The following ZNF718 variants were observed in gnomAD, a reference collection of about 807,000 sequenced individuals.
ZNF718 encodes the protein zinc finger protein 718.
ZNF718 carries 3 observed loss-of-function variants against 2.6 expected under a neutral mutation model. The observed-to-expected ratio is 1.16, with a 90% CI of 0.53 to 3.01. The LOEUF (loss-of-function observed/expected upper bound fraction) is 3.01. Ranked by LOEUF, ZNF718 falls within the 30% of genes most tolerant of loss-of-function variation. ZNF718 has a pLI of 0.03. For missense variants in ZNF718, 468 were observed against 230.0 expected (o/e 2.03, Z -6.69); for synonymous variants, 135 against 77.9 (o/e 1.73, Z -3.86).
intron 3 of ZNF718, among the ~76,000 whole-genome samples, chr4:135,875 C>CCTGGAG (rs1715549568): frequency 6.6e-6 from 1 of 151,758 alleles, no homozygotes; most frequent in Non-Finnish European, 1.5e-5. Flanking sequence ...AAGCTGTGGC[C>CCTGGAG]CTGGAGGCAG....
intron 1 of ZNF718, among the ~76,000 whole-genome samples, chr4:127,058 T>C (rs1442475193): frequency 6.6e-6 from 1 of 152,194 alleles, no homozygotes; most frequent in Non-Finnish European, 1.5e-5. Flanking sequence ...TCTTCTGACC[T>C]CATGATCCAC....
In ZNF718 at chr4:161,621, A is replaced by T. The variant is rs142742436; in HGVS notation, c.936A>T (p.Ser312=). 6,667 of 780,518 alleles carry T rather than the reference A, an allele frequency of 8.5e-3. 43 individuals carry two copies. The highest frequency in any genetic ancestry group is 0.011 in the Non-Finnish European group (4,610 of 417,824). The allele number at this position is 780,518 out of a possible 1,614,324, so 48.3% of individuals were successfully genotyped here. ...KRIHAGEKPF[S]CEECGNVFTT... The stretch of plus-strand genomic sequence containing the variant: ...TTCATGCTGGAGAGAAACCCTTCTC[A>T]TGCGAAGAATGTGGCAATGTCTTTA... The change falls in exon 4 of 4, where the codon TCA becomes TCT. Residue 312 remains serine, a synonymous_variant. Transcript: ENST00000510175.
At chr4:149,767 G>C (rs1553812198) in intron 3 of ZNF718, 2 of 152,018 alleles carry the variant, frequency 1.3e-5, no homozygotes, top group African/African-American at 4.8e-5. Flanking sequence ...ACAGTGTAAA[G>C]TTACCATCTG....
chr4:161,971 G>A lies in ZNF718; in HGVS notation c.1286G>A (p.Gly429Asp), dbSNP rs538984257. 6 of 780,022 alleles carry A rather than the reference G, an allele frequency of 7.7e-6. No homozygotes were observed. Among genetic ancestry groups the A allele is most frequent in the South Asian group, 5.4e-5 (4 of 74,540 alleles). 48.3% of individuals were successfully genotyped at this position (780,022 alleles called of 1,614,324 possible). A position where few individuals can be genotyped will look rare whatever the true frequency, so the allele number is the denominator to read the frequency against. The stretch of plus-strand genomic sequence containing the variant: ...AAACCCTACATATGTAAACAATGTG[G>A]CAAAGCCTTTAAACAGTCCTCACAC... The part of the protein sequence containing the change: ...GEKPYICKQC[G>D]KAFKQSSHLN... Residue 429 changes from glycine to aspartate, a missense_variant, in exon 4 of 4, where the codon GGC becomes GAC. Gly to Asp is a moderately conservative substitution (Grantham distance 94). Coordinates refer to ENST00000510175, the MANE Select transcript of ZNF718 (RefSeq NM_001039127.6).
At chr4:148,839 C>T (rs750121434) in intron 3 of ZNF718, among the ~76,000 whole-genome samples, 15 of 152,052 alleles carry the variant, frequency 9.9e-5, no homozygotes, top group Non-Finnish European at 1.6e-4. Flanking sequence ...TCCTAAGTGT[C>T]TTGGCAGATG....
downstream of ZNF718, among the ~76,000 whole-genome samples, chr4:164,948 T>C (rs2108807424): frequency 6.6e-6 from 1 of 152,282 alleles, no homozygotes; most frequent in East Asian, 1.9e-4. Context: ...ATTGAAAATA[T>C]CTGTGGTGAA....
At chr4:200,729 A>G (rs1476951526) in intron 3 of ZNF718, among the ~76,000 whole-genome samples, 1 of 152,176 alleles carries the variant, frequency 6.6e-6, no homozygotes, top group Admixed American at 6.5e-5. Context: ...AGTTCAAAGG[A>G]TAAAAGGCAA....
At chr4:148,410 A>G (rs542851895) in intron 3 of ZNF718, among the ~76,000 whole-genome samples, 15 of 151,996 alleles carry the variant, frequency 9.9e-5, no homozygotes, top group Non-Finnish European at 1.5e-4. Flanking sequence ...GGAGTTCGAG[A>G]CCAGCCTGGC....
intron 3 of ZNF718, among the ~76,000 whole-genome samples, chr4:137,227 A>G (rs1715607931): frequency 6.6e-6 from 1 of 152,168 alleles, no homozygotes; most frequent in Non-Finnish European, 1.5e-5. Flanking sequence ...CCACGAGCCA[A>G]TTAAACCTTT....
At chr4:140,269 G>A (rs1221401959) in intron 3 of ZNF718, among the ~76,000 whole-genome samples, 2 of 152,056 alleles carry the variant, frequency 1.3e-5, no homozygotes, top group African/African-American at 2.4e-5. Context: ...CACTGAGATC[G>A]GATCCACAGG....
chr4:151,765 C>A (rs1466640737), intron 3 of ZNF718, among the ~76,000 whole-genome samples: 1 of 151,962 alleles, frequency 6.6e-6, no homozygotes, highest in Non-Finnish European at 1.5e-5. Flanking sequence ...TGCCCCTACA[C>A]ACCTGTGGGT....
At chr4:191,287 T>C (rs1380500112) in intron 3 of ZNF718, among the ~76,000 whole-genome samples, 2 of 151,430 alleles carry the variant, frequency 1.3e-5, no homozygotes, top group Non-Finnish European at 2.9e-5. Flanking sequence ...CAGCTGGGAC[T>C]ACAGGCACAC....
chr4:156,336 G>A (rs1291926224), intron 3 of ZNF718, among the ~76,000 whole-genome samples: 1 of 152,004 alleles, frequency 6.6e-6, no homozygotes, highest in African/African-American at 2.4e-5. Flanking sequence ...ATTTTACCCT[G>A]TCTAGGTGAG....
intron 3 of ZNF718, among the ~76,000 whole-genome samples, chr4:189,055 GA>G (rs1717636969): frequency 6.9e-6 from 1 of 144,306 alleles, no homozygotes; most frequent in African/African-American, 2.6e-5. Flanking sequence ...TGAATCTGTA[GA>G]TTATTTTTTT....
chr4:133,215 T>C (rs1437293224), intron 3 of ZNF718, among the ~76,000 whole-genome samples: 3 of 27,264 alleles, frequency 1.1e-4, no homozygotes, highest in Admixed American at 4.1e-4. Flanking sequence ...TATATATATA[T>C]ATATATATAT....
chr4:140,150 C>T (rs868992448), intron 3 of ZNF718, among the ~76,000 whole-genome samples: 15 of 152,056 alleles, frequency 9.9e-5, no homozygotes, highest in Admixed American at 3.3e-4. Context: ...CAACTGGCTA[C>T]GGAACAAAAA....
At position 124,907 on chromosome 4, in the gene ZNF718, A is replaced by C. The variant is rs747021429; in HGVS notation, c.3+234A>C. On this transcript the variant is annotated intron_variant, in intron 1 of 3. Transcript: ENST00000510175. The stretch of plus-strand genomic sequence containing the variant: ...GCCCTGCACTTTCCCCGGGCTGTGG[A>C]GTGAGTAGGAGCTCATCCGGAAGAC... The C allele has an allele frequency of 1.1e-4, 53 of 489,948 alleles. 1 individual carries two copies. The highest frequency in any genetic ancestry group is 8.5e-4 in the South Asian group (39 of 45,652). 30.4% of individuals were successfully genotyped at this position (489,948 alleles called of 1,614,324 possible).
At chr4:160,054 C>G (rs959707592) in intron 3 of ZNF718, among the ~76,000 whole-genome samples, 1 of 152,318 alleles carries the variant, frequency 6.6e-6, no homozygotes, top group South Asian at 2.1e-4. Flanking sequence ...TAATCACTTG[C>G]TCTACCTGTT....
At chr4:166,939 T>G (rs1255080095), downstream of ZNF718, among the ~76,000 whole-genome samples, 1 of 152,230 alleles carries the variant, frequency 6.6e-6, no homozygotes, top group Admixed American at 6.5e-5. Context: ...GCCTGCGTCC[T>G]GAATGGTATT....
Sources: allele counts gnomAD v4.1 joint callset (sites outside exome capture counted in the v4.1 genomes callset), GRCh38; gene constraint gnomAD v4.1.1; transcripts MANE v1.5; gene names NCBI Gene and HGNC (gene_info 2026-07-23, HGNC 2026-07-21).